Variants in KLF8 observed in about 807,000 individuals in gnomAD.
The protein encoded by KLF8 is KLF transcription factor 8.
KLF8 carries 10 observed loss-of-function variants against 18.2 expected under a neutral mutation model. That is an observed-to-expected ratio of 0.55 (90% CI 0.34 to 0.93). KLF8 has a LOEUF of 0.93. KLF8 is among the 40% of genes least tolerant of loss of function. The pLI is 0.02. For synonymous variants in KLF8, 109 were observed against 97.3 expected, an observed-to-expected ratio of 1.12 and a Z score of -0.71; for missense variants, 264 against 277.9, an observed-to-expected ratio of 0.95 and a Z score of 0.36.
the KLF8 span, among the ~76,000 whole-genome samples, chrX:55,965,330 A>G: frequency 8.9e-6 from 1 of 112,344 alleles, no homozygotes; most frequent in Non-Finnish European, 1.9e-5. Flanking sequence ...AATGAAATTC[A>G]GTATTCCTTC....
chrX:56,246,325 C>T (rs1225072450), intron 1 of KLF8, among the ~76,000 whole-genome samples: 1 of 111,560 alleles, frequency 9.0e-6, no homozygotes, highest in Non-Finnish European at 1.9e-5. Flanking sequence ...ATAGGAGATG[C>T]TCTGCTAAAA....
chrX:56,046,955 G>T, the KLF8 span, among the ~76,000 whole-genome samples: 1 of 111,540 alleles, frequency 9.0e-6, no homozygotes, highest in Non-Finnish European at 1.9e-5. Context: ...CCTCCAATAT[G>T]TTTTCCAAAC....
At chrX:55,945,102 C>G in the KLF8 span, among the ~76,000 whole-genome samples, 487 of 111,300 alleles carry the variant, frequency 4.4e-3, 2 homozygotes, top group African/African-American at 0.015. Flanking sequence ...AGTAGTCATT[C>G]AGGAGCAAGT....
At chrX:56,110,875 A>C in the KLF8 span, among the ~76,000 whole-genome samples, 2 of 111,877 alleles carry the variant, frequency 1.8e-5, no homozygotes, top group Non-Finnish European at 3.8e-5. Flanking sequence ...ACCTAATATT[A>C]ATAATATTTG....
At chrX:56,230,424 A>G (rs1342147122), upstream of KLF8, among the ~76,000 whole-genome samples, 6 of 112,103 alleles carry the variant, frequency 5.4e-5, no homozygotes, top group Non-Finnish European at 7.5e-5. Flanking sequence ...TTTTTAAATG[A>G]AGGCATAGAG....
the KLF8 span, among the ~76,000 whole-genome samples, chrX:56,221,228 C>CT: frequency 8.9e-6 from 1 of 111,783 alleles, no homozygotes; most frequent in African/African-American, 3.2e-5. Context: ...CAGCAAATGG[C>CT]TTTTTTTGGT....
At chrX:56,053,509 G>A in the KLF8 span, among the ~76,000 whole-genome samples, 2 of 102,291 alleles carry the variant, frequency 2.0e-5, no homozygotes, top group African/African-American at 7.0e-5. Flanking sequence ...TTGATGTCAG[G>A]ATCGTGAAAT....
At chrX:55,924,531 T>A in the KLF8 span, among the ~76,000 whole-genome samples, 4 of 112,183 alleles carry the variant, frequency 3.6e-5, no homozygotes, top group African/African-American at 1.3e-4. Flanking sequence ...TATTGTTTGA[T>A]GCATTTTTTT....
At chrX:56,096,793 A>G in the KLF8 span, among the ~76,000 whole-genome samples, 1 of 111,422 alleles carries the variant, frequency 9.0e-6, no homozygotes, top group African/African-American at 3.3e-5. Context: ...TATGTAAATT[A>G]CTAATATGAG....
the KLF8 span, chrX:56,074,768 G>T: frequency 7.9e-6 from 1 of 127,253 alleles, no homozygotes; most frequent in Non-Finnish European, 1.6e-5. Context: ...GGCTATGTAA[G>T]GCCACTTTCA....
chrX:56,174,236 CATAG>C, the KLF8 span, among the ~76,000 whole-genome samples: 1 of 111,722 alleles, frequency 9.0e-6, no homozygotes, highest in African/African-American at 3.3e-5. Context: ...GTGGGTTTGT[CATAG>C]ATAGCTCTTT....
the KLF8 span, among the ~76,000 whole-genome samples, chrX:56,191,594 C>A: frequency 9.0e-6 from 1 of 111,381 alleles, no homozygotes; most frequent in South Asian, 3.8e-4. Flanking sequence ...TTAAAAAGAT[C>A]TTTCATCTTA....
the KLF8 span, among the ~76,000 whole-genome samples, chrX:56,048,522 G>A: frequency 8.9e-6 from 1 of 111,963 alleles, no homozygotes; most frequent in African/African-American, 3.2e-5. Context: ...TATTAAATAA[G>A]GAATCCTTTC....
At chrX:56,007,901 A>T in the KLF8 span, among the ~76,000 whole-genome samples, 1 of 110,711 alleles carries the variant, frequency 9.0e-6, no homozygotes, top group Non-Finnish European at 1.9e-5. Flanking sequence ...ACCATGGCAA[A>T]TGTTTACCTG....
the KLF8 span, among the ~76,000 whole-genome samples, chrX:56,172,102 T>C: frequency 2.7e-5 from 3 of 111,021 alleles, no homozygotes; most frequent in Non-Finnish European, 5.7e-5. Flanking sequence ...TTGGTTTTGA[T>C]TTGCATTTCT....
the KLF8 span, among the ~76,000 whole-genome samples, chrX:55,909,859 C>T: frequency 1.8e-5 from 2 of 112,057 alleles, no homozygotes; most frequent in Non-Finnish European, 1.9e-5. Context: ...CACCATCTCC[C>T]TTCCACTGTT....
the KLF8 span, among the ~76,000 whole-genome samples, chrX:56,028,239 G>C: frequency 8.9e-6 from 1 of 112,027 alleles, no homozygotes. Flanking sequence ...CTGTTGTAGA[G>C]GCCCCCATTC....
At chrX:56,152,898 G>T in the KLF8 span, among the ~76,000 whole-genome samples, 1 of 112,058 alleles carries the variant, frequency 8.9e-6, no homozygotes, top group African/African-American at 3.2e-5. Flanking sequence ...GACAGCTTAA[G>T]TAACATGTAT....
chrX:56,267,014 C>A, intron 3 of KLF8: 3 of 752,673 alleles, frequency 4.0e-6, no homozygotes, highest in Non-Finnish European at 4.7e-6. Context: ...AACAAACAAA[C>A]CAAAAAAAGG....
Sources: allele counts gnomAD v4.1 joint callset (sites outside exome capture counted in the v4.1 genomes callset), GRCh38; gene constraint gnomAD v4.1.1; transcripts MANE v1.5; gene names NCBI Gene and HGNC (gene_info 2026-07-23, HGNC 2026-07-21).